The following PHKA2 variants were observed in gnomAD, a reference collection of about 807,000 sequenced individuals.
PHKA2 encodes the protein phosphorylase b kinase regulatory subunit alpha, liver isoform.
Under a neutral mutation model 102.0 loss-of-function variants are expected in PHKA2, and 31 were observed. The ratio of observed to expected loss-of-function variants is 0.30; its 90% CI spans 0.23 to 0.41. The LOEUF (loss-of-function observed/expected upper bound fraction) is 0.41. Among genes scored for constraint, PHKA2 ranks in the 10% least tolerant of loss-of-function variants. The pLI, the probability that PHKA2 is intolerant of heterozygous loss-of-function variation, is 1.00. For missense variants in PHKA2, 858 were observed against 1,023.1 expected, an observed-to-expected ratio of 0.84 and a Z score of 2.20; for synonymous variants, 455 against 416.2, an observed-to-expected ratio of 1.09 and a Z score of -1.13.
intron 32 of PHKA2, chrX:18,893,962 CAT>C (rs765604092): frequency 1.3e-5 from 6 of 462,066 alleles, no homozygotes; most frequent in South Asian, 6.2e-5. Flanking sequence ...CCCATGGTCA[CAT>C]GTGTTGCAAG....
chrX:18,900,466 G>A lies in PHKA2; in HGVS notation c.3057+204C>T, dbSNP rs186919885. Among the ~76,000 whole-genome samples the A allele has an allele frequency of 1.4e-4, 16 of 111,500 alleles. No individual in the cohort carries two copies. The East Asian group carries it at 4.3e-3, about 30-fold the overall frequency. On this transcript the variant is annotated intron_variant, in intron 28 of 32. Transcript: ENST00000379942. ...ACAAAGTACCCTACAAAGCCCAAGAGTTTGAGAAACAGATTATTTTTAAAG... is the reference window on the plus strand; with the variant it reads ...ACAAAGTACCCTACAAAGCCCAAGAATTTGAGAAACAGATTATTTTTAAAG...
rs764012650 is a variant in PHKA2 at position 18,904,226 on chromosome X, G to C, written c.2908+1532C>G. ...GACAGACCCAGGAAAGTGGAAAACA[G>C]AAGGAGAAGGGTCTGGAAGCTACAA... On this transcript the variant is annotated intron_variant, in intron 26 of 32. Transcript: ENST00000379942. Among the ~76,000 whole-genome samples the C allele has an allele frequency of 5.4e-5, 6 of 111,945 alleles. No individual in the cohort carries two copies. In the Admixed American group the frequency reaches 5.7e-4, roughly 11 times the overall value.
At chrX:18,969,589 G>A (rs1309183923) in intron 1 of PHKA2, among the ~76,000 whole-genome samples, 2 of 108,908 alleles carry the variant, frequency 1.8e-5, no homozygotes, top group African/African-American at 6.7e-5. Context: ...TGGAGTCCCT[G>A]CCTTGATTTG....
rs1334333255 is a variant in PHKA2, at chrX:18,907,962, C to G, written c.2455G>C (p.Glu819Gln). The G allele has an allele frequency of 8.3e-7, 1 of 1,211,426 alleles. No homozygotes were observed. The highest frequency in any genetic ancestry group is 1.1e-6 in the Non-Finnish European group (1 of 895,065). ...ELYGKAGLNQEWGLIRYISGL... is the reference protein window; with the variant it reads ...ELYGKAGLNQQWGLIRYISGL... ...GAGATGTAGCGAATCAGACCCCACT[C>G]CTGGTTCAAGCCGGCTTTCCCATAG... is the stretch of plus-strand genomic sequence containing the variant. Residue 819 changes from glutamate to glutamine, a missense_variant, in exon 22 of 33, where the codon GAG becomes CAG. Around this residue, in one of 2 missense-constraint regions of PHKA2, gnomAD observed 671 missense variants for 745.2 expected, o/e 0.90. Transcript: ENST00000379942.
At chrX:18,920,404 A>G (rs1421871792) in intron 17 of PHKA2, among the ~76,000 whole-genome samples, 1 of 112,411 alleles carries the variant, frequency 8.9e-6, no homozygotes, top group Non-Finnish European at 1.9e-5. Context: ...CGCGCACAGC[A>G]TATTAAAAGC....
chrX:18,926,438 T>C lies in PHKA2; in HGVS notation c.1459+15A>G. 8.3e-7 allele frequency: 1 copy of C among 1,197,890 alleles called. No homozygotes were observed. Among genetic ancestry groups the C allele is most frequent in the Non-Finnish European group, 1.1e-6 (1 of 882,771 alleles). ...CCCCATGCCAAAAAGGCCCAGGTAA[T>C]TTCCCCAAACCTACCAAGCTTGGCA... On this transcript the variant is annotated intron_variant, in intron 14 of 32. Coordinates refer to ENST00000379942, the MANE Select transcript of PHKA2 (RefSeq NM_000292.3).
chrX:18,915,274 T>C (rs1262215782), intron 19 of PHKA2: 1 of 109,735 alleles, frequency 9.1e-6, no homozygotes, highest in East Asian at 2.9e-4. Flanking sequence ...GCCTGGGAGG[T>C]GAAGGCTGCA....
chrX:18,961,085 T>A (rs903415585), intron 1 of PHKA2, among the ~76,000 whole-genome samples: 1 of 112,177 alleles, frequency 8.9e-6, no homozygotes, highest in Non-Finnish European at 1.9e-5. Flanking sequence ...AGTCTTCTGA[T>A]CCATGGACAT....
chrX:18,897,407 G>A, intron 29 of PHKA2, 74 bp from the exon 30 acceptor site: 2 of 1,019,424 alleles, frequency 2.0e-6, no homozygotes, highest in Non-Finnish European at 2.7e-6. Flanking sequence ...ATCTCGAAGG[G>A]CGGCCCTGCG....
intron 1 of PHKA2, among the ~76,000 whole-genome samples, chrX:18,971,522 T>C (rs1265465556): frequency 1.8e-5 from 2 of 112,213 alleles, no homozygotes; most frequent in African/African-American, 6.5e-5. Flanking sequence ...TCTCTTCTCT[T>C]TGTAATGAAA....
At chrX:18,896,697 G>C (rs1184699770) in intron 30 of PHKA2, 2 of 184,890 alleles carry the variant, frequency 1.1e-5, no homozygotes, top group Non-Finnish European at 2.0e-5. Context: ...TGTCATTCCA[G>C]GTTCCAGGCC....
intron 26 of PHKA2, among the ~76,000 whole-genome samples, chrX:18,903,825 G>T (rs1394742890): frequency 8.9e-6 from 1 of 112,068 alleles, no homozygotes; most frequent in Non-Finnish European, 1.9e-5. Flanking sequence ...CATTCTAAAA[G>T]GCAAGTGTGA....
chrX:18,897,538 T>C (rs1035340312), intron 29 of PHKA2: 7 of 437,195 alleles, frequency 1.6e-5, no homozygotes, highest in African/African-American at 1.5e-4. Context: ...TCATTCCATG[T>C]TGCACTCTGC....
intron 27 of PHKA2, 148 bp downstream of exon 27, chrX:18,901,337 G>T: frequency 1.9e-6 from 1 of 533,923 alleles, no homozygotes; most frequent in South Asian, 2.4e-5. Context: ...TCTGGGGACA[G>T]GGGTGTGTTC....
intron 3 of PHKA2, among the ~76,000 whole-genome samples, chrX:18,951,975 T>A (rs1160356896): frequency 9.1e-6 from 1 of 109,865 alleles, no homozygotes; most frequent in African/African-American, 3.3e-5. Flanking sequence ...TTTATCCATG[T>A]ACCTCTTCAA....
At chrX:18,974,648 T>C (rs1437509525) in intron 1 of PHKA2, among the ~76,000 whole-genome samples, 1 of 111,676 alleles carries the variant, frequency 9.0e-6, no homozygotes, top group Non-Finnish European at 1.9e-5. Flanking sequence ...AGGGCCCTCC[T>C]CTTGGCTTGC....
rs2048764366 is a variant in PHKA2 at position 18,955,725 on chromosome X, G to A, written c.79-1313C>T. Among the ~76,000 whole-genome samples, 6 of 112,055 alleles carry A rather than the reference G, an allele frequency of 5.4e-5. No homozygotes were observed. In the South Asian group the frequency reaches 2.2e-3, roughly 41 times the overall value. ...AGAGCTCATGAAAAAACTGCACTGG[G>A]TACTTTCATAGTGATACTGCCAATA... On this transcript the variant is annotated intron_variant, in intron 1 of 32. Transcript: ENST00000379942.
At chrX:18,909,040 G>A in intron 20 of PHKA2, 106 bp from the exon 21 acceptor site, 1 of 1,021,880 alleles carries the variant, frequency 9.8e-7, no homozygotes, top group African/African-American at 1.8e-5. Flanking sequence ...TTGCTGTGCT[G>A]TGCTCCAGTT....
At chrX:18,960,245 T>G (rs1247730930) in intron 1 of PHKA2, among the ~76,000 whole-genome samples, 1 of 112,153 alleles carries the variant, frequency 8.9e-6, no homozygotes, top group Non-Finnish European at 1.9e-5. Context: ...CCTGGCCGGC[T>G]GTGGTTCTGC....
Sources: gnomAD v4.1 joint callset for allele counts (sites outside exome capture counted in the v4.1 genomes callset) on GRCh38, gnomAD v4.1.1 for gene constraint, gnomAD v4.1.1 regional missense constraint, MANE v1.5 for transcripts, NCBI Gene and HGNC (gene_info 2026-07-23, HGNC 2026-07-21) for gene names.